RGS16: variants seen among roughly 807,000 people sequenced by gnomAD.
RGS16 encodes the protein hRGS-r.
A neutral mutation model predicts 18.1 loss-of-function variants in RGS16; 12 were observed. The ratio of observed to expected loss-of-function variants is 0.66; its 90% CI spans 0.42 to 1.07. The LOEUF is 1.07. RGS16 is among the 50% of genes least tolerant of loss of function. RGS16 has a pLI of 0.00. For missense variants in RGS16, 238 were observed against 249.2 expected (o/e 0.95, Z 0.30); for synonymous variants, 88 against 102.0 (o/e 0.86, Z 0.83).
In RGS16 at chr1:182,602,400, C is replaced by T. The variant is rs745649846; in HGVS notation, c.220+20G>A. ...TACACATGTGCCACCCAGAGACAGA[C>T]ACAAAAGGCTCCTACTCACTTTTAC... On this transcript the variant is annotated intron_variant, in intron 3 of 4. Transcript: ENST00000367558. 6.2e-7 allele frequency: 1 copy of T among 1,611,012 alleles called. No individual in the cohort carries two copies. The highest frequency in any genetic ancestry group is 8.5e-7 in the Non-Finnish European group (1 of 1,177,680).
At position 182,604,202 on chromosome 1, in the gene RGS16, C is replaced by G; in HGVS notation, c.44+14G>C. 6.4e-7 allele frequency: 1 copy of G among 1,551,740 alleles called. No homozygotes were observed. Among genetic ancestry groups the G allele is most frequent in the Non-Finnish European group, 8.7e-7 (1 of 1,146,956 alleles). The stretch of plus-strand genomic sequence containing the variant: ...GTGGGACTTCCCCCAAGCAGTTGGA[C>G]AACCTCCCCTTACCTCTCCAGGCAG... On this transcript the variant is annotated intron_variant, in intron 1 of 4. Transcript: ENST00000367558.
At chr1:182,602,807 G>A (rs1661887621) in intron 2 of RGS16, among the ~76,000 whole-genome samples, 1 of 152,154 alleles carries the variant, frequency 6.6e-6, no homozygotes, top group Admixed American at 6.5e-5. Flanking sequence ...CCTTCCCAAG[G>A]AAATAAGGTC....
chr1:182,604,364 G>T lies in RGS16; in HGVS notation c.-105C>A. The T allele has an allele frequency of 8.2e-7, 1 of 1,217,970 alleles. No homozygotes were observed. The highest frequency in any genetic ancestry group is 1.1e-6 in the Non-Finnish European group (1 of 886,558). 75.4% of individuals were successfully genotyped at this position (1,217,970 alleles called of 1,614,324 possible). On this transcript the variant is annotated 5_prime_UTR_variant, in exon 1 of 5. Transcript: ENST00000367558. ...GCGCGGTAGCAGGTGCTAGTCAACT[G>T]CGGTTGGGTTTAGCAGCCTGCAAGC...
Position 182,600,133 on chromosome 1 carries a change from TC to T in RGS16, c.*158del. On this transcript the variant is annotated 3_prime_UTR_variant, in exon 5 of 5. Transcript: ENST00000367558. ...AGTATCTGAAGGAGAGACTGCTGCT[TC>T]CCAAACAGGCTGCTGGAGCGCATTT... 1.6e-6 allele frequency: 1 copy of T among 635,748 alleles called. No homozygotes were observed. Among genetic ancestry groups the T allele is most frequent in the Middle Eastern group, 4.3e-4 (1 of 2,334 alleles). 39.4% of individuals were successfully genotyped at this position (635,748 alleles called of 1,614,324 possible). A position where few individuals can be genotyped will look rare whatever the true frequency, so the allele number is the denominator to read the frequency against.
intron 1 of RGS16, 96 bp downstream of exon 1, chr1:182,604,120 C>A: frequency 2.3e-6 from 3 of 1,290,782 alleles, no homozygotes; most frequent in Non-Finnish European, 3.3e-6. Context: ...GCCTCTAGCG[C>A]CCCATCCCCG....
rs1661806722 is a variant in RGS16, at chr1:182,598,625, A to C, written c.*1667T>G. On this transcript the variant is annotated 3_prime_UTR_variant, in exon 5 of 5. Transcript: ENST00000367558. ...ACACAGCACTTGAAGACAGGATGTCATATTTGACTTTTGCTTTTATTTTAT... is the reference window on the plus strand; with the variant it reads ...ACACAGCACTTGAAGACAGGATGTCCTATTTGACTTTTGCTTTTATTTTAT... 6.5e-6 allele frequency: 1 copy of C among 152,694 alleles called. No individual in the cohort carries two copies. The highest frequency in any genetic ancestry group is 1.5e-5 in the Non-Finnish European group (1 of 68,050). 9.5% of individuals were successfully genotyped at this position (152,694 alleles called of 1,614,324 possible). A position where few individuals can be genotyped will look rare whatever the true frequency, so the allele number is the denominator to read the frequency against.
intron 1 of RGS16, among the ~76,000 whole-genome samples, chr1:182,603,804 C>T (rs533879091): frequency 6.6e-6 from 1 of 151,708 alleles, no homozygotes; most frequent in African/African-American, 2.4e-5. Flanking sequence ...CCCCCACCCC[C>T]ACACACCCCA....
intron 2 of RGS16, among the ~76,000 whole-genome samples, 164 bp downstream of exon 2, chr1:182,603,065 G>A (rs1186692483): frequency 1.3e-5 from 2 of 152,156 alleles, no homozygotes; most frequent in Non-Finnish European, 2.9e-5. Flanking sequence ...TCACCCATGA[G>A]CCAAGTAGTC....
intron 2 of RGS16, among the ~76,000 whole-genome samples, chr1:182,602,776 C>T (rs536042538): frequency 2.6e-5 from 4 of 152,328 alleles, no homozygotes; most frequent in African/African-American, 9.6e-5. Flanking sequence ...TCCCCTGACT[C>T]TCAAAGATTT....
intron 4 of RGS16, 185 bp downstream of exon 4, chr1:182,601,781 A>T: frequency 3.0e-6 from 2 of 677,894 alleles, no homozygotes; most frequent in Non-Finnish European, 5.0e-6. Flanking sequence ...TCTTAGGGTT[A>T]AGCACCCAGG....
At position 182,598,632 on chromosome 1, in the gene RGS16, ACTTTTG is replaced by A. The variant is rs1268925191; in HGVS notation, c.*1654_*1659del. ...ACTTGAAGACAGGATGTCATATTTG[ACTTTTG>A]CTTTTATTTTATAAGAATATAACAT... On this transcript the variant is annotated 3_prime_UTR_variant, in exon 5 of 5. Transcript: ENST00000367558. 6.6e-5 allele frequency: 10 copies of A among 152,620 alleles called. No individual in the cohort carries two copies. The highest frequency in any genetic ancestry group is 1.3e-4 in the Non-Finnish European group (9 of 68,038). 9.5% of individuals were successfully genotyped at this position (152,620 alleles called of 1,614,324 possible).
chr1:182,601,881 C>A, intron 4 of RGS16, 85 bp downstream of exon 4: 1 of 1,529,786 alleles, frequency 6.5e-7, no homozygotes, highest in South Asian at 1.1e-5. Flanking sequence ...CTACACCTAG[C>A]CCTTCCTCCC....
intron 2 of RGS16, 110 bp from the exon 3 acceptor site, chr1:182,602,594 G>A (rs1021049055): frequency 1.2e-5 from 11 of 914,230 alleles, no homozygotes; most frequent in Non-Finnish European, 1.9e-5. Context: ...TTCACAGAAA[G>A]GCTTGCTTGG....
At position 182,599,175 on chromosome 1, in the gene RGS16, A is replaced by C. The variant is rs1661818725; in HGVS notation, c.*1117T>G. 2 of 152,182 alleles carry C rather than the reference A, an allele frequency of 1.3e-5. No individual in the cohort carries two copies. Among genetic ancestry groups the C allele is most frequent in the South Asian group, 4.2e-4 (2 of 4,818 alleles). 9.4% of individuals were successfully genotyped at this position (152,182 alleles called of 1,614,324 possible). ...CCTCTCCCCCCAGCTTCTGCACTCT[A>C]AGGGTGCCATGGTCCTGGGCCACCT... On this transcript the variant is annotated 3_prime_UTR_variant, in exon 5 of 5. Transcript: ENST00000367558.
chr1:182,604,274 G>C lies in RGS16; in HGVS notation c.-15C>G. Reference sequence around the variant, plus strand: ...GTGCGGCACATGGCTGCGGGCGCAGGGCAGCACGTAGTAGGCAGGATGGTG... The same window carrying C: ...GTGCGGCACATGGCTGCGGGCGCAGCGCAGCACGTAGTAGGCAGGATGGTG... On this transcript the variant is annotated 5_prime_UTR_variant, in exon 1 of 5. Coordinates refer to ENST00000367558, the MANE Select transcript of RGS16 (RefSeq NM_002928.4). The C allele has an allele frequency of 1.9e-6, 3 of 1,548,916 alleles. No individual in the cohort carries two copies. Among genetic ancestry groups the C allele is most frequent in the East Asian group, 2.4e-5 (1 of 40,822 alleles).
Position 182,599,621 on chromosome 1 carries a change from GGA to G in RGS16, c.*669_*670del, listed in dbSNP as rs1661825778. On this transcript the variant is annotated 3_prime_UTR_variant, in exon 5 of 5. Coordinates refer to ENST00000367558, the MANE Select transcript of RGS16 (RefSeq NM_002928.4). Reference sequence around the variant, plus strand: ...TCCTTTCAGGGCTCTCCACTGACTTGGAAAGGGCTCACAGGCCAGTGTTTGAG... The same window carrying G: ...TCCTTTCAGGGCTCTCCACTGACTTGAAGGGCTCACAGGCCAGTGTTTGAG... 6.5e-6 allele frequency: 1 copy of G among 152,898 alleles called. No individual in the cohort carries two copies. Among genetic ancestry groups the G allele is most frequent in the Non-Finnish European group, 1.5e-5 (1 of 68,264 alleles). 9.5% of individuals were successfully genotyped at this position (152,898 alleles called of 1,614,324 possible). A position where few individuals can be genotyped will look rare whatever the true frequency, so the allele number is the denominator to read the frequency against.
chr1:182,600,203 C>G lies in RGS16; in HGVS notation c.*89G>C. ...TTTTTGTCCTCTTGCACTTGCTTTG[C>G]AGAACCTGCCTCCCACACAGGGGCA... On this transcript the variant is annotated 3_prime_UTR_variant, in exon 5 of 5. Coordinates refer to ENST00000367558, the MANE Select transcript of RGS16 (RefSeq NM_002928.4). The G allele has an allele frequency of 1.7e-6, 1 of 578,726 alleles. No homozygotes were observed. The highest frequency in any genetic ancestry group is 2.9e-6 in the Non-Finnish European group (1 of 349,436). 35.8% of individuals were successfully genotyped at this position (578,726 alleles called of 1,614,324 possible). A position where few individuals can be genotyped will look rare whatever the true frequency, so the allele number is the denominator to read the frequency against.
chr1:182,602,064 C>T lies in RGS16; in HGVS notation c.289G>A (p.Ala97Thr). 6.2e-7 allele frequency: 1 copy of T among 1,614,172 alleles called. No homozygotes were observed. The highest frequency in any genetic ancestry group is 8.5e-7 in the Non-Finnish European group (1 of 1,180,024). The stretch of plus-strand genomic sequence containing the variant: ...CGGATCTTCTTGAACTCCTCACAGG[C>T]CAGCCAGAACTCCAGGTTCTCCTCA... ...FSEENLEFWLACEEFKKIRSA... is the reference protein window; with the variant it reads ...FSEENLEFWLTCEEFKKIRSA... The change falls in exon 4 of 5, where the codon GCC becomes ACC. Residue 97 changes from alanine to threonine, a missense_variant. Ala to Thr is a moderately conservative substitution (Grantham distance 58). Coordinates refer to ENST00000367558, the MANE Select transcript of RGS16 (RefSeq NM_002928.4).
At chr1:182,600,922 T>A (rs1316086596) in intron 4 of RGS16, among the ~76,000 whole-genome samples, 1 of 152,192 alleles carries the variant, frequency 6.6e-6, no homozygotes, top group African/African-American at 2.4e-5. Context: ...CTCAGTTTGG[T>A]AGCTCCTCTG....
Sources: allele counts gnomAD v4.1 joint callset (sites outside exome capture counted in the v4.1 genomes callset), GRCh38; gene constraint gnomAD v4.1.1; transcripts MANE v1.5; gene names NCBI Gene and HGNC (gene_info 2026-07-23, HGNC 2026-07-21).